Variants in MSI2 observed in about 807,000 individuals in gnomAD.
MSI2 encodes the protein musashi RNA binding protein 2.
In MSI2, 17 loss-of-function variants were observed where a neutral mutation model predicts 45.6. That is an observed-to-expected ratio of 0.37 (90% CI 0.26 to 0.56). The LOEUF (loss-of-function observed/expected upper bound fraction) is 0.56. MSI2 is among the 20% of genes least tolerant of loss of function. The pLI, the probability that MSI2 is intolerant of heterozygous loss-of-function variation, is 0.77. For synonymous variants in MSI2, 156 were observed against 158.2 expected (o/e 0.99, Z 0.11); for missense variants, 293 against 444.2 (o/e 0.66, Z 3.06).
intron 5 of MSI2, among the ~76,000 whole-genome samples, chr17:57,327,560 C>T (rs976816678): frequency 2.0e-5 from 3 of 152,210 alleles, no homozygotes; most frequent in Non-Finnish European, 2.9e-5. Context: ...CTATTCAACA[C>T]GTCTCTTCTT....
intron 5 of MSI2, among the ~76,000 whole-genome samples, chr17:57,298,363 G>A (rs1911162174): frequency 6.6e-6 from 1 of 152,192 alleles, no homozygotes; most frequent in Admixed American, 6.5e-5. Flanking sequence ...TTTCTCAGCA[G>A]TAGGTCTCAA....
chr17:57,298,997 T>C (rs1448049009), intron 5 of MSI2, among the ~76,000 whole-genome samples: 1 of 152,286 alleles, frequency 6.6e-6, no homozygotes, highest in African/African-American at 2.4e-5. Flanking sequence ...GATAACTTGC[T>C]GTGTAGCTTC....
At chr17:57,260,534 A>C (rs11649830) in intron 4 of MSI2, among the ~76,000 whole-genome samples, 8,238 of 152,270 alleles carry the variant, frequency 0.054, 385 homozygotes, top group East Asian at 0.24. Flanking sequence ...ATTTATAAAA[A>C]GACACCTCTG....
At chr17:57,258,484 G>T in intron 4 of MSI2, 130 bp downstream of exon 4, 1 of 817,510 alleles carries the variant, frequency 1.2e-6, no homozygotes, top group East Asian at 2.4e-5. Flanking sequence ...CTGAGCTAGC[G>T]AGTTGGCTCA....
intron 6 of MSI2, among the ~76,000 whole-genome samples, chr17:57,488,002 G>C (rs2085788511): frequency 6.6e-6 from 1 of 151,970 alleles, no homozygotes; most frequent in Admixed American, 6.6e-5. Flanking sequence ...GCCTAGCTCT[G>C]TGCCAGGCCA....
intron 10 of MSI2, among the ~76,000 whole-genome samples, chr17:57,633,487 G>A (rs570636870): frequency 1.3e-5 from 2 of 152,248 alleles, no homozygotes; most frequent in Non-Finnish European, 1.5e-5. Flanking sequence ...CACATCTGGA[G>A]CCCCTCACAT....
intron 9 of MSI2, chr17:57,626,648 C>T (rs1172201684): frequency 1.3e-5 from 2 of 154,164 alleles, no homozygotes; most frequent in Non-Finnish European, 2.9e-5. Context: ...TGCATCTTAA[C>T]ACATCCAGCC....
At chr17:57,478,638 G>A (rs10515144) in intron 6 of MSI2, among the ~76,000 whole-genome samples, 17,348 of 152,172 alleles carry the variant, frequency 0.11, 1,042 homozygotes, top group Middle Eastern at 0.13. Flanking sequence ...GAGATATGAC[G>A]AAGGCCACCG....
intron 6 of MSI2, among the ~76,000 whole-genome samples, chr17:57,527,091 A>G (rs950559461): frequency 6.6e-6 from 1 of 152,212 alleles, no homozygotes; most frequent in Non-Finnish European, 1.5e-5. Flanking sequence ...TTATTTCCTA[A>G]GGGAATCTGA....
At chr17:57,351,890 C>G (rs1916059372) in intron 5 of MSI2, among the ~76,000 whole-genome samples, 1 of 152,042 alleles carries the variant, frequency 6.6e-6, no homozygotes, top group Admixed American at 6.5e-5. Context: ...CCCCAAAAAA[C>G]CACACACACA....
chr17:57,526,309 C>T (rs2086694241), intron 6 of MSI2, among the ~76,000 whole-genome samples: 1 of 149,934 alleles, frequency 6.7e-6, no homozygotes, highest in African/African-American at 2.5e-5. Context: ...TGAGGCCTGG[C>T]CTGTGTGTTC....
intron 6 of MSI2, among the ~76,000 whole-genome samples, chr17:57,417,216 A>G (rs978339564): frequency 2.6e-5 from 4 of 152,152 alleles, no homozygotes; most frequent in African/African-American, 9.7e-5. Context: ...GGTGCTTGAC[A>G]GACATTTATT....
At chr17:57,530,802 G>A (rs1000769060) in intron 7 of MSI2, among the ~76,000 whole-genome samples, 1 of 152,146 alleles carries the variant, frequency 6.6e-6, no homozygotes, top group Non-Finnish European at 1.5e-5. Flanking sequence ...AAGAAGGAGT[G>A]GAGTGGGAAT....
intron 11 of MSI2, among the ~76,000 whole-genome samples, chr17:57,673,840 C>G (rs1180831556): frequency 6.6e-6 from 1 of 152,012 alleles, no homozygotes. Context: ...TGTTCTCACT[C>G]TGGAGTTGAC....
intron 6 of MSI2, among the ~76,000 whole-genome samples, chr17:57,463,590 TG>T (rs1738791144): frequency 6.6e-6 from 1 of 152,072 alleles, no homozygotes; most frequent in African/African-American, 2.4e-5. Context: ...TGCCTTCACA[TG>T]GGGGTGCCTC....
Position 57,407,682 on chromosome 17 carries a change from G to A in MSI2, c.405+6211G>A, listed in dbSNP as rs1453067984. ...GCTCCACCTTTTTCTGGAGAGCCTG[G>A]GTGTTGCCCTTCAGACCTTCTTCAA... On this transcript the variant is annotated intron_variant, in intron 6 of 13. Transcript: ENST00000284073. This position sits in a 1 kb window ranked among gnomAD's most constrained non-coding sequence, Gnocchi z 4.1. Among the ~76,000 whole-genome samples the A allele has an allele frequency of 6.6e-6, 1 of 152,134 alleles. No individual in the cohort carries two copies. The highest frequency in any genetic ancestry group is 6.5e-5 in the Admixed American group (1 of 15,268).
At chr17:57,664,827 G>T (rs946688091) in intron 11 of MSI2, among the ~76,000 whole-genome samples, 1 of 152,146 alleles carries the variant, frequency 6.6e-6, no homozygotes, top group African/African-American at 2.4e-5. Flanking sequence ...AGAGATTGTG[G>T]CCAGTTCAGT....
intron 6 of MSI2, among the ~76,000 whole-genome samples, chr17:57,461,533 AT>A (rs34312371): frequency 0.37 from 49,781 of 135,914 alleles, 8,695 homozygotes; most frequent in African/African-American, 0.43. Flanking sequence ...CAACTCTTGG[AT>A]TTTTTTTTTT....
At chr17:57,317,053 G>A (rs754204109) in intron 5 of MSI2, among the ~76,000 whole-genome samples, 5 of 152,108 alleles carry the variant, frequency 3.3e-5, no homozygotes, top group Non-Finnish European at 5.9e-5. Context: ...TGTGTTTTCA[G>A]AGGCCCTGTC....
Sources: allele counts gnomAD v4.1 joint callset (sites outside exome capture counted in the v4.1 genomes callset), GRCh38; gene constraint gnomAD v4.1.1; non-coding constraint Gnocchi (gnomAD v3.1); transcripts MANE v1.5; gene names NCBI Gene and HGNC (gene_info 2026-07-23, HGNC 2026-07-21).